The following PLEKHG1 variants were observed in gnomAD, a reference collection of about 807,000 sequenced individuals.
PLEKHG1 encodes pleckstrin homology domain-containing family G member 1.
A neutral mutation model predicts 100.8 loss-of-function variants in PLEKHG1; 44 were observed. That is an observed-to-expected ratio of 0.44 (90% confidence interval 0.34 to 0.56). The LOEUF (loss-of-function observed/expected upper bound fraction) is 0.56. Ranked by LOEUF, PLEKHG1 falls within the 20% of genes least tolerant of loss-of-function variation. The pLI is 0.01. For synonymous variants in PLEKHG1, 640 were observed against 662.5 expected, an observed-to-expected ratio of 0.97 and a Z score of 0.52; for missense variants, 1,545 against 1,720.9, an observed-to-expected ratio of 0.90 and a Z score of 1.81.
chr6:150,624,706 T>A (rs770754049), intron 1 of PLEKHG1: 1 of 152,278 alleles, frequency 6.6e-6, no homozygotes, highest in Non-Finnish European at 1.5e-5. Context: ...GTCACCACAG[T>A]CGGCCTCACT....
At chr6:150,728,134 A>G (rs1192422881) in intron 1 of PLEKHG1, among the ~76,000 whole-genome samples, 2 of 152,256 alleles carry the variant, frequency 1.3e-5, no homozygotes, top group Non-Finnish European at 1.5e-5. Flanking sequence ...TTTGAGTTGT[A>G]TGTATCTCTG....
intron 1 of PLEKHG1, among the ~76,000 whole-genome samples, chr6:150,729,950 C>A (rs2128615082): frequency 6.6e-6 from 1 of 152,292 alleles, no homozygotes; most frequent in East Asian, 1.9e-4. Context: ...TTTCTAGCAG[C>A]CCAACCTAGG....
chr6:150,619,433 AG>A (rs533458261), intron 1 of PLEKHG1, among the ~76,000 whole-genome samples: 163 of 152,362 alleles, frequency 1.1e-3, no homozygotes, highest in Non-Finnish European at 2.0e-3. Flanking sequence ...TCCATCATCC[AG>A]CTCAGGAAAC....
At chr6:150,610,205 G>A (rs1039147808) in intron 1 of PLEKHG1, among the ~76,000 whole-genome samples, 6 of 152,130 alleles carry the variant, frequency 3.9e-5, no homozygotes, top group Non-Finnish European at 7.4e-5. Context: ...GGGTTCAAGC[G>A]ATTTTCCTGC....
At chr6:150,806,418 T>C (rs1180716818) in intron 7 of PLEKHG1, among the ~76,000 whole-genome samples, 1 of 151,890 alleles carries the variant, frequency 6.6e-6, no homozygotes, top group East Asian at 1.9e-4. Context: ...GGAGTGATGG[T>C]TCATGCCTGT....
At chr6:150,599,890 TGAGCCC>T (rs1029383950) in exon 1 of PLEKHG1, 5 of 181,612 alleles carry the variant, frequency 2.8e-5, no homozygotes, top group African/African-American at 4.8e-5. Flanking sequence ...AGCCCGAGCC[TGAGCCC>T]GAGCCCGAGC....
intron 2 of PLEKHG1, among the ~76,000 whole-genome samples, chr6:150,646,497 G>A (rs186603181): frequency 8.5e-5 from 13 of 152,228 alleles, no homozygotes; most frequent in Admixed American, 7.8e-4. Flanking sequence ...GTAGATGGAT[G>A]TCAGGCTTCA....
intron 3 of PLEKHG1, among the ~76,000 whole-genome samples, chr6:150,779,950 G>A (rs1159046815): frequency 6.6e-6 from 1 of 150,888 alleles, no homozygotes; most frequent in Admixed American, 6.6e-5. Flanking sequence ...GTGACAGAGC[G>A]AGACTCCGTC....
intron 3 of PLEKHG1, among the ~76,000 whole-genome samples, chr6:150,664,956 T>C (rs940972162): frequency 1.3e-5 from 2 of 152,184 alleles, no homozygotes; most frequent in Admixed American, 1.3e-4. Context: ...CAGAGCCAGA[T>C]GACAATAAGG....
At chr6:150,633,951 T>G (rs1389541925) in intron 1 of PLEKHG1, among the ~76,000 whole-genome samples, 1 of 150,812 alleles carries the variant, frequency 6.6e-6, no homozygotes, top group Non-Finnish European at 1.5e-5. Context: ...GGAAAAAGAG[T>G]GAAGTTGAGG....
chr6:150,600,985 G>A lies in PLEKHG1; in HGVS notation c.-204+968G>A, dbSNP rs1189506002. The A allele has an allele frequency of 6.6e-6, 1 of 152,266 alleles. No individual in the cohort carries two copies. The highest frequency in any genetic ancestry group is 1.5e-5 in the Non-Finnish European group (1 of 68,098). The allele number at this position is 152,266 out of a possible 1,614,324, so 9.4% of individuals were successfully genotyped here. A position where few individuals can be genotyped will look rare whatever the true frequency, so the allele number is the denominator to read the frequency against. Reference sequence around the variant, plus strand: ...GTATTTTCGAAATCACCGAGTGTGGGTGTTTGGGGCAGGTATCACCCCGCG... The same window carrying A: ...GTATTTTCGAAATCACCGAGTGTGGATGTTTGGGGCAGGTATCACCCCGCG... On this transcript the variant is annotated intron_variant, in intron 1 of 3. Coordinates refer to the PLEKHG1 transcript ENST00000367326. The surrounding 1 kb of genome is among the most constrained non-coding windows in gnomAD (Gnocchi z 6.2).
intron 3 of PLEKHG1, among the ~76,000 whole-genome samples, chr6:150,672,326 A>G (rs1051537360): frequency 3.3e-5 from 5 of 152,192 alleles, no homozygotes; most frequent in Non-Finnish European, 5.9e-5. Flanking sequence ...AATTAATGCT[A>G]TGAGGTGCTT....
intron 1 of PLEKHG1, among the ~76,000 whole-genome samples, chr6:150,723,589 T>TC (rs1781808696): frequency 1.3e-5 from 2 of 152,138 alleles, no homozygotes; most frequent in Non-Finnish European, 2.9e-5. Flanking sequence ...TGCTTTTTTT[T>TC]CCCCATCTAT....
chr6:150,825,530 C>A (rs1273765981), intron 14 of PLEKHG1, among the ~76,000 whole-genome samples: 1 of 152,172 alleles, frequency 6.6e-6, no homozygotes, highest in Non-Finnish European at 1.5e-5. Flanking sequence ...TGAGATAGTG[C>A]CACTGCACTC....
intron 14 of PLEKHG1, among the ~76,000 whole-genome samples, chr6:150,824,670 C>T (rs1279157319): frequency 1.3e-5 from 2 of 151,486 alleles, no homozygotes; most frequent in Non-Finnish European, 2.9e-5. Context: ...GCTTGGACTA[C>T]AGGCACCCGC....
chr6:150,839,475 G>A (rs978510123), intron 15 of PLEKHG1, among the ~76,000 whole-genome samples: 1 of 152,124 alleles, frequency 6.6e-6, no homozygotes, highest in South Asian at 2.1e-4. Flanking sequence ...CTGAAGTGCT[G>A]ACTTTCTTAC....
At chr6:150,743,949 A>G (rs973080673) in intron 2 of PLEKHG1, among the ~76,000 whole-genome samples, 1 of 152,266 alleles carries the variant, frequency 6.6e-6, no homozygotes, top group Non-Finnish European at 1.5e-5. Flanking sequence ...GACGAAAGCC[A>G]TCAGATACCT....
At chr6:150,786,410 A>G in exon 4 of PLEKHG1, 1 of 1,612,938 alleles carries the variant, frequency 6.2e-7, no homozygotes, top group Non-Finnish European at 8.5e-7. Context: ...CAAGATTTGG[A>G]AAACTGTGAA....
rs186986579 is a variant in PLEKHG1 at position 150,650,313 on chromosome 6, A to G, written c.-157-415A>G. Among the ~76,000 whole-genome samples the G allele has an allele frequency of 2.4e-3, 373 of 152,268 alleles. 1 individual carries two copies. Among genetic ancestry groups the G allele is most frequent in the African/African-American group, 8.8e-3 (364 of 41,530 alleles). On this transcript the variant is annotated intron_variant, in intron 2 of 3. Coordinates refer to the PLEKHG1 transcript ENST00000367326. ...AGCCTCTCCTTCCATTCCCTGCTTC[A>G]TGGCCTCGCGTTTTCTCTCTCCTTT...
Sources: allele counts gnomAD v4.1 joint callset (sites outside exome capture counted in the v4.1 genomes callset), GRCh38; gene constraint gnomAD v4.1.1; non-coding constraint Gnocchi (gnomAD v3.1); transcripts MANE v1.5; gene names NCBI Gene and HGNC (gene_info 2026-07-23, HGNC 2026-07-21).